Variants in SUSD4 observed in about 807,000 individuals in gnomAD.
The protein encoded by SUSD4 is sushi domain-containing protein 4.
Under a neutral mutation model 50.5 loss-of-function variants are expected in SUSD4, and 41 were observed. That is an observed-to-expected ratio of 0.81 (90% CI 0.63 to 1.05). The LOEUF (loss-of-function observed/expected upper bound fraction) is 1.05, where lower values mean the gene tolerates loss of function less well. SUSD4 is among the 50% of genes least tolerant of loss of function. SUSD4 has a pLI of 0.00. For synonymous variants in SUSD4, 257 were observed against 257.3 expected, an observed-to-expected ratio of 1.00 and a Z score of 0.01; for missense variants, 580 against 634.7, an observed-to-expected ratio of 0.91 and a Z score of 0.93.
chr1:223,311,685 T>C (rs1253962325), intron 2 of SUSD4, among the ~76,000 whole-genome samples: 1 of 152,252 alleles, frequency 6.6e-6, no homozygotes, highest in Non-Finnish European at 1.5e-5. Flanking sequence ...AGATTTTTTA[T>C]TGTTTGTTTT....
chr1:223,311,938 T>C (rs887076387), intron 2 of SUSD4, among the ~76,000 whole-genome samples: 4 of 152,236 alleles, frequency 2.6e-5, no homozygotes, highest in Admixed American at 2.0e-4. Flanking sequence ...TGATTTGCTC[T>C]AAACTCAATT....
chr1:223,239,278 T>C (rs1055097508), intron 5 of SUSD4, among the ~76,000 whole-genome samples: 1 of 152,082 alleles, frequency 6.6e-6, no homozygotes, highest in Admixed American at 6.5e-5. Context: ...GAATCATTTT[T>C]AAAAATCTAC....
intron 2 of SUSD4, among the ~76,000 whole-genome samples, chr1:223,344,408 G>A (rs185065295): frequency 7.9e-5 from 12 of 152,060 alleles, no homozygotes; most frequent in Admixed American, 5.2e-4. Flanking sequence ...CCTGCCTGGC[G>A]CAGTGAACAT....
intron 2 of SUSD4, among the ~76,000 whole-genome samples, chr1:223,306,091 T>C (rs1665518801): frequency 6.6e-6 from 1 of 152,218 alleles, no homozygotes. Context: ...AGACCACAGA[T>C]GTGGAAGTCA....
At chr1:223,281,197 C>A (rs933925336) in intron 3 of SUSD4, among the ~76,000 whole-genome samples, 14 of 152,078 alleles carry the variant, frequency 9.2e-5, no homozygotes, top group Non-Finnish European at 1.9e-4. Context: ...CAAGAGCAAA[C>A]ACATTCAAAA....
At chr1:223,250,021 G>A (rs2103039653) in intron 5 of SUSD4, among the ~76,000 whole-genome samples, 2 of 152,350 alleles carry the variant, frequency 1.3e-5, no homozygotes, top group African/African-American at 4.8e-5. Flanking sequence ...ACTGCCTCTA[G>A]TGCAAAGGTG....
chr1:223,296,508 T>C (rs1664835704), intron 2 of SUSD4, among the ~76,000 whole-genome samples: 1 of 152,064 alleles, frequency 6.6e-6, no homozygotes, highest in South Asian at 2.1e-4. Flanking sequence ...TGTGCATCCA[T>C]GTATAGGCAG....
At chr1:223,304,667 A>G (rs1311625403) in intron 2 of SUSD4, among the ~76,000 whole-genome samples, 1 of 150,800 alleles carries the variant, frequency 6.6e-6, no homozygotes, top group Non-Finnish European at 1.5e-5. Flanking sequence ...CGTACTTTCA[A>G]TAATGTAGCT....
At chr1:223,260,695 T>C (rs1662051064) in intron 5 of SUSD4, among the ~76,000 whole-genome samples, 1 of 152,232 alleles carries the variant, frequency 6.6e-6, no homozygotes. Context: ...TTGGGTGCTT[T>C]ATCTGACAAC....
intron 2 of SUSD4, among the ~76,000 whole-genome samples, chr1:223,338,708 C>T (rs889433417): frequency 5.3e-5 from 8 of 152,122 alleles, no homozygotes; most frequent in African/African-American, 1.7e-4. Context: ...GGACAGGCTG[C>T]GCATGCAGCT....
At chr1:223,303,603 G>A (rs190174650) in intron 2 of SUSD4, among the ~76,000 whole-genome samples, 1 of 152,332 alleles carries the variant, frequency 6.6e-6, no homozygotes. Context: ...TTCCCAGGTG[G>A]ATCGGCAGGT....
At chr1:223,268,838 G>A (rs1226780845) in intron 3 of SUSD4, among the ~76,000 whole-genome samples, 163 bp from the exon 4 acceptor site, 1 of 152,224 alleles carries the variant, frequency 6.6e-6, no homozygotes, top group African/African-American at 2.4e-5. Flanking sequence ...ATGACGAGCA[G>A]AAGAGGTGGC....
At position 223,268,518 on chromosome 1, in the gene SUSD4, A is replaced by G; in HGVS notation, c.519T>C (p.Asn173=). Residue 173 remains asparagine, a synonymous_variant, in exon 4 of 9, where the codon AAT becomes AAC. Coordinates refer to ENST00000366878, the MANE Select transcript of SUSD4 (RefSeq NM_017982.4). ...SLCRDDGTWN[N]LPICQGCLRP... Reference sequence around the variant, plus strand: ...GTCCCGTACCTTGACAGATGGGCAGATTATTCCACGTTCCATCATCGCGAC... The same window carrying G: ...GTCCCGTACCTTGACAGATGGGCAGGTTATTCCACGTTCCATCATCGCGAC... 3 of 1,613,728 alleles carry G rather than the reference A, an allele frequency of 1.9e-6. No homozygotes were observed. The highest frequency in any genetic ancestry group is 2.5e-6 in the Non-Finnish European group (3 of 1,179,836).
chr1:223,304,992 T>C (rs1665445934), intron 2 of SUSD4, among the ~76,000 whole-genome samples: 1 of 151,548 alleles, frequency 6.6e-6, no homozygotes, highest in Non-Finnish European at 1.5e-5. Context: ...TAACTTTTGC[T>C]AGAATAAAGT....
At chr1:223,338,875 G>A (rs1479559802) in intron 2 of SUSD4, among the ~76,000 whole-genome samples, 1 of 152,192 alleles carries the variant, frequency 6.6e-6, no homozygotes, top group Non-Finnish European at 1.5e-5. Flanking sequence ...TGTCCAGTAA[G>A]CACTTGCATC....
chr1:223,255,714 TACTGTCC>T (rs1661639854), intron 5 of SUSD4, among the ~76,000 whole-genome samples: 2 of 152,134 alleles, frequency 1.3e-5, no homozygotes, highest in African/African-American at 4.8e-5. Flanking sequence ...GCCCTCCCTC[TACTGTCC>T]CATGGAAAGA....
intron 5 of SUSD4, among the ~76,000 whole-genome samples, chr1:223,245,450 A>G (rs958481210): frequency 6.6e-6 from 1 of 152,016 alleles, no homozygotes; most frequent in Non-Finnish European, 1.5e-5. Context: ...AGGATGGCAC[A>G]TGTGAAGGTG....
intron 2 of SUSD4, among the ~76,000 whole-genome samples, chr1:223,344,625 G>A (rs1345075626): frequency 6.6e-6 from 1 of 151,812 alleles, no homozygotes; most frequent in East Asian, 1.9e-4. Flanking sequence ...GGTTCAGTAG[G>A]TTCAGTCTGG....
chr1:223,268,127 C>T (rs1388113953), intron 4 of SUSD4, among the ~76,000 whole-genome samples: 1 of 149,100 alleles, frequency 6.7e-6, no homozygotes, highest in African/African-American at 2.5e-5. Context: ...AGTACAAATG[C>T]TCTGTTATTT....
Sources: gnomAD v4.1 joint callset for allele counts (sites outside exome capture counted in the v4.1 genomes callset) on GRCh38, gnomAD v4.1.1 for gene constraint, MANE v1.5 for transcripts, NCBI Gene and HGNC (gene_info 2026-07-23, HGNC 2026-07-21) for gene names.